OSBP2: variants seen among roughly 807,000 people sequenced by gnomAD.
OSBP2 encodes oxysterol-binding protein 2.
Under a neutral mutation model 96.0 loss-of-function variants are expected in OSBP2, and 66 were observed. The observed-to-expected ratio is 0.69, with a 90% CI of 0.56 to 0.84. OSBP2 has a LOEUF of 0.84. Among genes scored for constraint, OSBP2 ranks in the 40% least tolerant of loss-of-function variants. The probability of loss-of-function intolerance (pLI) is 0.00; values close to 1 mark genes in which losing one functional copy is unlikely to be tolerated. For missense variants in OSBP2, 1,038 were observed against 1,222.7 expected, an observed-to-expected ratio of 0.85 and a Z score of 2.25; for synonymous variants, 525 against 520.9, an observed-to-expected ratio of 1.01 and a Z score of -0.11.
chr22:30,778,978 G>A (rs990861275), intron 2 of OSBP2, among the ~76,000 whole-genome samples: 1 of 151,138 alleles, frequency 6.6e-6, no homozygotes, highest in Non-Finnish European at 1.5e-5. Context: ...AGAGGTTGCA[G>A]TGAGCCGAGA....
intron 2 of OSBP2, among the ~76,000 whole-genome samples, chr22:30,767,064 A>C (rs186877700): frequency 1.9e-3 from 225 of 118,338 alleles, no homozygotes; most frequent in African/African-American, 8.0e-3. Context: ...CTGGGATGGG[A>C]TTTAATTTTT....
chr22:30,702,528 C>T (rs904468904), intron 1 of OSBP2, among the ~76,000 whole-genome samples: 1 of 152,124 alleles, frequency 6.6e-6, no homozygotes, highest in Non-Finnish European at 1.5e-5. Context: ...GCATGAGAAT[C>T]ACTTGAACCT....
chr22:30,802,886 G>C (rs1481914117), intron 2 of OSBP2, among the ~76,000 whole-genome samples: 1 of 152,214 alleles, frequency 6.6e-6, no homozygotes, highest in Admixed American at 6.5e-5. Flanking sequence ...GCGGGCGCAC[G>C]GCTCCTCTAG....
chr22:30,722,936 AC>A (rs2089577603), intron 1 of OSBP2, among the ~76,000 whole-genome samples: 1 of 151,660 alleles, frequency 6.6e-6, no homozygotes. Flanking sequence ...GGCGTGTGCC[AC>A]CACATCAGGA....
intron 1 of OSBP2, among the ~76,000 whole-genome samples, chr22:30,706,330 G>A (rs1329346203): frequency 2.0e-5 from 3 of 151,980 alleles, no homozygotes; most frequent in African/African-American, 4.8e-5. Context: ...GCTTTGCCAC[G>A]TTGCCTTACT....
At chr22:30,726,957 C>T (rs571903238) in intron 1 of OSBP2, among the ~76,000 whole-genome samples, 1 of 152,172 alleles carries the variant, frequency 6.6e-6, no homozygotes, top group Non-Finnish European at 1.5e-5. Context: ...ATCTGACTAA[C>T]TTTAATGGCT....
rs2039430700 is a variant in OSBP2, at chr22:30,870,293, C to T, written c.854-136C>T. On this transcript the variant is annotated intron_variant, in intron 2 of 13. Coordinates refer to ENST00000332585, the MANE Select transcript of OSBP2 (RefSeq NM_030758.4). This position sits in a 1 kb window ranked among gnomAD's most constrained non-coding sequence, Gnocchi z 4.1. ...GCAGGCACCTCACCCCGGCCAGGAACAGGAACGGGCACCATCTCGGGGACT... is the reference window on the plus strand; with the variant it reads ...GCAGGCACCTCACCCCGGCCAGGAATAGGAACGGGCACCATCTCGGGGACT... 1 of 928,612 alleles carries T rather than the reference C, an allele frequency of 1.1e-6. No individual in the cohort carries two copies. The highest frequency in any genetic ancestry group is 1.6e-6 in the Non-Finnish European group (1 of 622,228). The allele number at this position is 928,612 out of a possible 1,614,324, so 57.5% of individuals were successfully genotyped here. A position where few individuals can be genotyped will look rare whatever the true frequency, so the allele number is the denominator to read the frequency against.
intron 12 of OSBP2, 26 bp from the exon 13 acceptor site, chr22:30,905,811 C>T (rs1253975553): frequency 4.4e-6 from 7 of 1,609,168 alleles, no homozygotes; most frequent in African/African-American, 1.3e-5. Context: ...CCGCAGCCAC[C>T]GCCACCGCCA....
At chr22:30,855,278 C>T (rs371203200) in intron 2 of OSBP2, among the ~76,000 whole-genome samples, 1 of 152,264 alleles carries the variant, frequency 6.6e-6, no homozygotes, top group African/African-American at 2.4e-5. Flanking sequence ...AGATGCTGTT[C>T]CTTTGTCTTT....
At chr22:30,748,077 A>G (rs2090028483) in intron 2 of OSBP2, among the ~76,000 whole-genome samples, 1 of 151,780 alleles carries the variant, frequency 6.6e-6, no homozygotes, top group South Asian at 2.1e-4. Context: ...GGGTTTTACC[A>G]TGTTGGGCAG....
At chr22:30,732,623 C>T (rs1461804938) in intron 1 of OSBP2, among the ~76,000 whole-genome samples, 3 of 152,216 alleles carry the variant, frequency 2.0e-5, no homozygotes, top group Non-Finnish European at 4.4e-5. Flanking sequence ...CAGCTGATCC[C>T]AAGTGTGTGA....
intron 2 of OSBP2, among the ~76,000 whole-genome samples, chr22:30,832,992 G>A (rs1379251962): frequency 1.3e-5 from 2 of 152,206 alleles, no homozygotes; most frequent in Non-Finnish European, 2.9e-5. Context: ...ATAGATACTC[G>A]TGTTCTTTTT....
intron 1 of OSBP2, among the ~76,000 whole-genome samples, chr22:30,728,959 A>T (rs1452658461): frequency 6.6e-6 from 1 of 152,196 alleles, no homozygotes; most frequent in East Asian, 1.9e-4. Context: ...TGTTGTGAAC[A>T]TTTTGGTACC....
chr22:30,836,750 C>T (rs2038640780), intron 2 of OSBP2, among the ~76,000 whole-genome samples: 1 of 152,090 alleles, frequency 6.6e-6, no homozygotes, highest in South Asian at 2.1e-4. Context: ...ACACAGCAGG[C>T]AATTGGGAGA....
At chr22:30,820,528 A>G (rs1227087859) in intron 2 of OSBP2, among the ~76,000 whole-genome samples, 1 of 152,156 alleles carries the variant, frequency 6.6e-6, no homozygotes, top group Non-Finnish European at 1.5e-5. Flanking sequence ...CTTGCAGAGC[A>G]TGGTTCTCTG....
Position 30,906,401 on chromosome 22 carries a change from C to T in OSBP2, c.*62C>T, listed in dbSNP as rs1569179125. ...CCTGGCCCACCTGTTCATTAATGCACTCAATTTAGTACTGAATGGTCTTTC... is the reference window on the plus strand; with the variant it reads ...CCTGGCCCACCTGTTCATTAATGCATTCAATTTAGTACTGAATGGTCTTTC... On this transcript the variant is annotated 3_prime_UTR_variant, in exon 14 of 14. Coordinates refer to ENST00000332585, the MANE Select transcript of OSBP2 (RefSeq NM_030758.4). 3 of 1,516,054 alleles carry T rather than the reference C, an allele frequency of 2.0e-6. No homozygotes were observed. Among genetic ancestry groups the T allele is most frequent in the African/African-American group, 2.8e-5 (2 of 71,604 alleles). 93.9% of individuals were successfully genotyped at this position (1,516,054 alleles called of 1,614,324 possible).
chr22:30,723,210 G>A (rs1348840622), intron 1 of OSBP2, among the ~76,000 whole-genome samples: 5 of 152,014 alleles, frequency 3.3e-5, no homozygotes, highest in East Asian at 3.9e-4. Context: ...GGGTTCAAGC[G>A]ATTCTCCTGC....
intron 2 of OSBP2, among the ~76,000 whole-genome samples, chr22:30,827,605 C>T (rs971629199): frequency 6.6e-6 from 1 of 152,152 alleles, no homozygotes; most frequent in Non-Finnish European, 1.5e-5. Context: ...GGGGAAGTGA[C>T]GTTTTACTGC....
chr22:30,694,705 G>A, upstream of OSBP2: 1 of 255,702 alleles, frequency 3.9e-6, no homozygotes, highest in Non-Finnish European at 6.3e-6. Flanking sequence ...GACCTAGGAA[G>A]GACCCAGGGT....
Sources: gnomAD v4.1 joint callset for allele counts (sites outside exome capture counted in the v4.1 genomes callset) on GRCh38, gnomAD v4.1.1 for gene constraint, Gnocchi (gnomAD v3.1) non-coding constraint, MANE v1.5 for transcripts, NCBI Gene and HGNC (gene_info 2026-07-23, HGNC 2026-07-21) for gene names.